WWTR1: variants seen among roughly 807,000 people sequenced by gnomAD.
WWTR1 encodes WW domain-containing transcription regulator protein 1.
WWTR1 carries 13 observed loss-of-function variants against 40.1 expected under a neutral mutation model. That is an observed-to-expected ratio of 0.32 (90% CI 0.21 to 0.52). The LOEUF (loss-of-function observed/expected upper bound fraction) is 0.52, where lower values mean the gene tolerates loss of function less well. Among genes scored for constraint, WWTR1 ranks in the 20% least tolerant of loss-of-function variants. WWTR1 has a pLI of 0.97. For synonymous variants in WWTR1, 230 were observed against 210.1 expected, an observed-to-expected ratio of 1.09 and a Z score of -0.82; for missense variants, 436 against 523.1, an observed-to-expected ratio of 0.83 and a Z score of 1.63.
intron 1 of WWTR1, among the ~76,000 whole-genome samples, chr3:149,684,401 C>T (rs774466257): frequency 6.6e-6 from 1 of 152,098 alleles, no homozygotes; most frequent in Non-Finnish European, 1.5e-5. Flanking sequence ...GAAGGAAACT[C>T]TTTATAAATA....
At chr3:149,710,831 A>G (rs1715461530) in intron 5 of WWTR1, among the ~76,000 whole-genome samples, 1 of 151,942 alleles carries the variant, frequency 6.6e-6, no homozygotes, top group Non-Finnish European at 1.5e-5. Context: ...CACCCACCTC[A>G]GCCTCCCAAC....
At chr3:149,601,473 T>C (rs1420610559) in intron 2 of WWTR1, among the ~76,000 whole-genome samples, 2 of 152,146 alleles carry the variant, frequency 1.3e-5, no homozygotes, top group Admixed American at 6.5e-5. Context: ...GCTGGGATTA[T>C]AGGCATGAGG....
chr3:149,525,425 G>C (rs775996514), intron 6 of WWTR1, among the ~76,000 whole-genome samples: 1 of 151,688 alleles, frequency 6.6e-6, no homozygotes, highest in East Asian at 1.9e-4. Context: ...GTGAGGAAGG[G>C]ACTATATGGA....
chr3:149,595,815 T>A (rs1435689867), intron 2 of WWTR1, among the ~76,000 whole-genome samples: 1 of 152,154 alleles, frequency 6.6e-6, no homozygotes, highest in African/African-American at 2.4e-5. Context: ...GGTGAACACC[T>A]GAAGTCAGGA....
chr3:149,617,265 T>G lies in WWTR1; in HGVS notation c.431+39611A>C, dbSNP rs539923490. Among the ~76,000 whole-genome samples, 3 of 152,246 alleles carry G rather than the reference T, an allele frequency of 2.0e-5. No homozygotes were observed. The South Asian group carries it at 6.2e-4, about 32-fold the overall frequency. On this transcript the variant is annotated intron_variant, in intron 2 of 6. Coordinates refer to ENST00000360632, the MANE Select transcript of WWTR1 (RefSeq NM_015472.6). ...AAAACGAACTTTCATCTCATCTCAC[T>G]CTCACTCCAGGGCAATTGGATTGGA...
chr3:149,584,597 G>A (rs1738323090), intron 2 of WWTR1, among the ~76,000 whole-genome samples: 2 of 152,212 alleles, frequency 1.3e-5, no homozygotes, highest in East Asian at 1.9e-4. Context: ...TTCAGAGGAA[G>A]GGGAGAGTGC....
At chr3:149,546,099 T>C (rs1736352199) in intron 3 of WWTR1, among the ~76,000 whole-genome samples, 1 of 152,214 alleles carries the variant, frequency 6.6e-6, no homozygotes, top group South Asian at 2.1e-4. Context: ...GCCACATCTA[T>C]GTGAGTCTTT....
intron 3 of WWTR1, among the ~76,000 whole-genome samples, chr3:149,559,302 AAAAAAAAAAAAG>A: frequency 6.6e-6 from 1 of 151,226 alleles, no homozygotes; most frequent in African/African-American, 2.4e-5. Flanking sequence ...TCAAAAAAAA[AAAAAAAAAAAAG>A]AAAAGAAAAG....
intron 2 of WWTR1, among the ~76,000 whole-genome samples, chr3:149,664,429 C>T (rs1424573551): frequency 6.6e-6 from 1 of 152,156 alleles, no homozygotes; most frequent in Non-Finnish European, 1.5e-5. Flanking sequence ...CAGCATATAG[C>T]AAATATGCAA....
chr3:149,522,165 A>C (rs969472414), intron 6 of WWTR1, among the ~76,000 whole-genome samples: 6 of 152,214 alleles, frequency 3.9e-5, no homozygotes, highest in African/African-American at 1.4e-4. Flanking sequence ...CTTCCACCAT[A>C]ACGTCATTTT....
chr3:149,590,418 G>A (rs1016506044), intron 2 of WWTR1, among the ~76,000 whole-genome samples: 3 of 152,190 alleles, frequency 2.0e-5, no homozygotes, highest in African/African-American at 4.8e-5. Context: ...GGGAGGCCGA[G>A]GCAGGCGGGT....
At chr3:149,634,657 A>G (rs1339910205) in intron 2 of WWTR1, among the ~76,000 whole-genome samples, 1 of 152,206 alleles carries the variant, frequency 6.6e-6, no homozygotes, top group African/African-American at 2.4e-5. Flanking sequence ...CAAAGAAGCA[A>G]GTGAAAGACC....
intron 1 of WWTR1, among the ~76,000 whole-genome samples, chr3:149,689,339 C>A (rs144584154): frequency 7.1e-6 from 1 of 141,418 alleles, no homozygotes; most frequent in African/African-American, 2.6e-5. Flanking sequence ...TGAGATCATG[C>A]CACTGCACTC....
At chr3:149,623,755 T>A (rs117191922) in intron 2 of WWTR1, among the ~76,000 whole-genome samples, 2 of 152,296 alleles carry the variant, frequency 1.3e-5, no homozygotes, top group East Asian at 3.9e-4. Flanking sequence ...GATACAATCC[T>A]GATAAGCAAA....
chr3:149,602,167 G>C (rs1048871605), intron 2 of WWTR1, among the ~76,000 whole-genome samples: 6 of 152,124 alleles, frequency 3.9e-5, no homozygotes, highest in African/African-American at 1.4e-4. Context: ...TCCCCCACAG[G>C]AGAAAAATGT....
rs369141588 is a variant in WWTR1 at position 149,675,779 on chromosome 3, C to T, written c.-107-5888G>A. 1.3e-3 allele frequency among the ~76,000 whole-genome samples: 197 copies of T among 152,008 alleles called. 5 individuals are homozygous for T. The South Asian group carries it at 0.037, about 29-fold the overall frequency. On this transcript the variant is annotated intron_variant, in intron 1 of 7. Transcript: ENST00000465804. ...TTGCCCAGGCTGGAGTGCAGTGGCACGATCTCGGCTCACTGCAAGCTCTGC... is the reference window on the plus strand; with the variant it reads ...TTGCCCAGGCTGGAGTGCAGTGGCATGATCTCGGCTCACTGCAAGCTCTGC...
intron 2 of WWTR1, among the ~76,000 whole-genome samples, chr3:149,665,571 A>G (rs1187020530): frequency 6.6e-6 from 1 of 152,154 alleles, no homozygotes; most frequent in Non-Finnish European, 1.5e-5. Context: ...AGTATATCTA[A>G]CAGCTTAACA....
At chr3:149,590,444 G>A (rs1187175416) in intron 2 of WWTR1, among the ~76,000 whole-genome samples, 3 of 152,192 alleles carry the variant, frequency 2.0e-5, no homozygotes, top group Admixed American at 6.5e-5. Context: ...GAGGTCAGGA[G>A]TTTCAGACAA....
chr3:149,689,173 G>C (rs539781050), intron 1 of WWTR1, among the ~76,000 whole-genome samples: 1 of 151,982 alleles, frequency 6.6e-6, no homozygotes, highest in Non-Finnish European at 1.5e-5. Context: ...CTTGAGCTCA[G>C]GAGTTCAAGA....
Sources: gnomAD v4.1 joint callset for allele counts (sites outside exome capture counted in the v4.1 genomes callset) on GRCh38, gnomAD v4.1.1 for gene constraint, MANE v1.5 for transcripts, NCBI Gene and HGNC (gene_info 2026-07-23, HGNC 2026-07-21) for gene names.